TOX2: variants seen among roughly 807,000 people sequenced by gnomAD.
TOX2 encodes TOX high mobility group box family member 2, also known as granulosa cell HMG box 1.
In TOX2, 15 loss-of-function variants were observed where a neutral mutation model predicts 47.4. The ratio of observed to expected loss-of-function variants is 0.32; its 90% CI spans 0.21 to 0.49. The LOEUF (loss-of-function observed/expected upper bound fraction) is 0.49. Among genes scored for constraint, TOX2 ranks in the 20% least tolerant of loss-of-function variants. TOX2 has a pLI of 0.99. For missense variants in TOX2, 622 were observed against 673.1 expected (o/e 0.92, Z 0.84); for synonymous variants, 290 against 296.6 (o/e 0.98, Z 0.23).
At chr20:43,954,706 G>A (rs1482954975) in intron 1 of TOX2, among the ~76,000 whole-genome samples, 3 of 152,128 alleles carry the variant, frequency 2.0e-5, no homozygotes, top group African/African-American at 7.2e-5. Flanking sequence ...ATTGCACCTG[G>A]CCTTGACCCA....
chr20:43,980,201 A>G (rs1279288189), intron 2 of TOX2, among the ~76,000 whole-genome samples: 1 of 152,238 alleles, frequency 6.6e-6, no homozygotes, highest in Non-Finnish European at 1.5e-5. Context: ...CCATACAAAG[A>G]GAATGAGATC....
intron 2 of TOX2, among the ~76,000 whole-genome samples, chr20:43,987,912 C>CTTTTT (rs762084312): frequency 4.7e-4 from 33 of 70,018 alleles, no homozygotes; most frequent in South Asian, 7.4e-4. Context: ...ATATCAACAT[C>CTTTTT]TTTTTTTTTT....
chr20:43,991,499 T>C (rs527264152), intron 2 of TOX2, among the ~76,000 whole-genome samples: 2 of 152,316 alleles, frequency 1.3e-5, no homozygotes, highest in Admixed American at 1.3e-4. Flanking sequence ...CATCCTTTTA[T>C]TCAGTAAATG....
chr20:43,923,144 G>A (rs1180355355), intron 1 of TOX2, among the ~76,000 whole-genome samples: 1 of 152,044 alleles, frequency 6.6e-6, no homozygotes, highest in Non-Finnish European at 1.5e-5. Flanking sequence ...GCCTAAGGAG[G>A]GGAAACCTGC....
chr20:43,982,988 A>G (rs898511934), intron 2 of TOX2, among the ~76,000 whole-genome samples: 3 of 151,870 alleles, frequency 2.0e-5, no homozygotes, highest in African/African-American at 7.3e-5. Context: ...ACACTGCACA[A>G]TTGAACATAA....
At chr20:44,015,724 T>C (rs895810132) in intron 3 of TOX2, among the ~76,000 whole-genome samples, 2 of 152,332 alleles carry the variant, frequency 1.3e-5, no homozygotes, top group African/African-American at 4.8e-5. Context: ...TGTTTGTTTT[T>C]CTGTTTTTAA....
At chr20:43,924,630 C>G (rs1332487380) in intron 1 of TOX2, among the ~76,000 whole-genome samples, 1 of 152,174 alleles carries the variant, frequency 6.6e-6, no homozygotes, top group East Asian at 1.9e-4. Flanking sequence ...CACTGAGCTC[C>G]CAGGAAGCTC....
intron 2 of TOX2, among the ~76,000 whole-genome samples, chr20:43,993,044 C>T (rs2070398444): frequency 1.3e-5 from 2 of 151,986 alleles, no homozygotes; most frequent in African/African-American, 2.4e-5. Context: ...GAGTGATGTT[C>T]GAGTCCCCGC....
chr20:44,044,090 T>C (rs148997313), intron 3 of TOX2, among the ~76,000 whole-genome samples: 1,863 of 150,996 alleles, frequency 0.012, 21 homozygotes, highest in Middle Eastern at 0.037. Context: ...TGGAATACTA[T>C]GCAGCCATAA....
At chr20:43,962,580 C>T (rs557337855) in intron 1 of TOX2, among the ~76,000 whole-genome samples, 5 of 152,318 alleles carry the variant, frequency 3.3e-5, no homozygotes, top group African/African-American at 1.2e-4. Context: ...GTACCCAGAG[C>T]GTACATAGTT....
intron 2 of TOX2, among the ~76,000 whole-genome samples, chr20:44,003,265 C>T (rs2070616876): frequency 6.6e-6 from 1 of 151,138 alleles, no homozygotes; most frequent in East Asian, 1.9e-4. Flanking sequence ...CAGCTCACTT[C>T]AGCCTTGACA....
chr20:44,027,551 G>T (rs2071085512), intron 3 of TOX2, among the ~76,000 whole-genome samples: 1 of 152,250 alleles, frequency 6.6e-6, no homozygotes, highest in Admixed American at 6.5e-5. Context: ...TCCCCATGGG[G>T]GCAGCCAGTG....
intron 3 of TOX2, among the ~76,000 whole-genome samples, chr20:44,008,427 G>A (rs2070723588): frequency 1.3e-5 from 2 of 152,102 alleles, no homozygotes; most frequent in South Asian, 2.1e-4. Flanking sequence ...AGGCATAGTG[G>A]CACACACCTG....
chr20:43,963,743 G>A (rs538376592), intron 1 of TOX2, among the ~76,000 whole-genome samples: 4 of 152,288 alleles, frequency 2.6e-5, no homozygotes, highest in Admixed American at 6.5e-5. Context: ...GAAAATCATC[G>A]TTGTTGGGAA....
intron 3 of TOX2, among the ~76,000 whole-genome samples, chr20:44,027,052 C>G (rs1351952977): frequency 1.3e-5 from 2 of 152,162 alleles, no homozygotes; most frequent in Non-Finnish European, 2.9e-5. Flanking sequence ...TAAAACACGG[C>G]AGTGTTTGTT....
intron 3 of TOX2, among the ~76,000 whole-genome samples, chr20:44,046,125 C>T (rs1277714609): frequency 6.6e-6 from 1 of 152,220 alleles, no homozygotes; most frequent in Admixed American, 6.5e-5. Flanking sequence ...TACCTACACA[C>T]TGTTTACACT....
At chr20:43,976,971 A>T (rs1025696820) in intron 2 of TOX2, among the ~76,000 whole-genome samples, 3 of 152,232 alleles carry the variant, frequency 2.0e-5, no homozygotes, top group African/African-American at 7.2e-5. Context: ...GGCTTAAAAT[A>T]TGTTTTATAA....
rs960356897 is a variant in TOX2 at position 43,992,293 on chromosome 20, G to A, written c.166-14254G>A. ...CAAGAGCAGCTCCCAACCACGTGTG[G>A]CATGGGCAGAGGTAAGTGACCCAGG... On this transcript the variant is annotated intron_variant, in intron 2 of 8. Transcript: ENST00000341197. 2.6e-5 allele frequency among the ~76,000 whole-genome samples: 4 copies of A among 152,310 alleles called. No individual in the cohort carries two copies. In the South Asian group the frequency reaches 8.3e-4, roughly 32 times the overall value.
intron 3 of TOX2, among the ~76,000 whole-genome samples, chr20:44,007,945 C>T (rs946656863): frequency 2.0e-5 from 3 of 151,924 alleles, no homozygotes; most frequent in African/African-American, 7.3e-5. Context: ...GAAATGGAGT[C>T]ATATAATTAA....
Sources: allele counts gnomAD v4.1 joint callset (sites outside exome capture counted in the v4.1 genomes callset), GRCh38; gene constraint gnomAD v4.1.1; transcripts MANE v1.5; gene names NCBI Gene and HGNC (gene_info 2026-07-23, HGNC 2026-07-21).